Variants in TECPR1 observed in about 807,000 individuals in gnomAD.
The protein encoded by TECPR1 is tectonin beta-propeller repeat containing 1, also known as tectonin beta-propeller repeat-containing protein 1.
TECPR1 carries 122 observed loss-of-function variants against 162.4 expected under a neutral mutation model. The observed-to-expected ratio is 0.75, with a 90% CI of 0.65 to 0.87. The LOEUF is 0.87. Ranked by LOEUF, TECPR1 falls within the 40% of genes least tolerant of loss-of-function variation. TECPR1 has a pLI of 0.00. For synonymous variants in TECPR1, 642 were observed against 670.6 expected (o/e 0.96, Z 0.66); for missense variants, 1,432 against 1,618.2 (o/e 0.88, Z 1.97).
In TECPR1 at chr7:98,221,662, A is replaced by G. The variant is rs1798144660; in HGVS notation, c.3156T>C (p.Asn1052=). The G allele has an allele frequency of 3.7e-6, 6 of 1,613,052 alleles. No individual in the cohort carries two copies. Among genetic ancestry groups the G allele is most frequent in the Admixed American group, 1.7e-5 (1 of 59,972 alleles). Residue 1052 remains asparagine (N), a splice_region_variant and synonymous_variant, in exon 23 of 26, where the codon AAT becomes AAC. Coordinates refer to ENST00000447648, the MANE Select transcript of TECPR1 (RefSeq NM_015395.3). ...GQTSVYALDE[N]GNLWYRQGIT... ...AAATTTAAAAAAAGAGCAACTTGCC[A>G]TTCTCATCCAGGGCATACACCGACG...
At chr7:98,249,321 A>C (rs371246683) in intron 2 of TECPR1, among the ~76,000 whole-genome samples, 41 of 152,180 alleles carry the variant, frequency 2.7e-4, no homozygotes, top group African/African-American at 6.3e-4. Flanking sequence ...GGGGAAAAGA[A>C]TAGGAGGGAG....
chr7:98,223,270 C>T lies in TECPR1; in HGVS notation c.2748-100G>A, dbSNP rs949054318. ...CCAGGAGGAGGAAAGCAGCCAACCC[C>T]GGGGCGGGTAGAAAGAGGGGCCCAG... On this transcript the variant is annotated intron_variant, in intron 20 of 25. Transcript: ENST00000447648. 3.6e-5 allele frequency: 46 copies of T among 1,285,528 alleles called. No individual in the cohort carries two copies. The African/African-American group carries it at 3.8e-4, about 11-fold the overall frequency. The allele number at this position is 1,285,528 out of a possible 1,614,324, so 79.6% of individuals were successfully genotyped here. A position where few individuals can be genotyped will look rare whatever the true frequency, so the allele number is the denominator to read the frequency against.
intron 6 of TECPR1, among the ~76,000 whole-genome samples, chr7:98,242,778 CCCAT>C (rs1798789546): frequency 8.4e-5 from 5 of 59,438 alleles, no homozygotes; most frequent in South Asian, 4.5e-4. Flanking sequence ...CACCCACCCA[CCCAT>C]CCATCCATCC....
At chr7:98,242,888 ACACC>A (rs1798796278) in intron 6 of TECPR1, among the ~76,000 whole-genome samples, 2 of 9,702 alleles carry the variant, frequency 2.1e-4, no homozygotes, top group Non-Finnish European at 6.8e-4. Context: ...ATCTACCCAT[ACACC>A]CACCCACCCA....
Position 98,238,650 on chromosome 7 carries a change from A to G in TECPR1, c.934-40T>C, listed in dbSNP as rs1357085642. ...AATAAACATGCCTTCCTGGAGGGCC[A>G]CTGAAACAGACGGTTCGTTCGTTTA... On this transcript the variant is annotated intron_variant, in intron 8 of 25. Coordinates refer to ENST00000447648, the MANE Select transcript of TECPR1 (RefSeq NM_015395.3). The G allele has an allele frequency of 5.4e-6, 8 of 1,488,496 alleles. No individual in the cohort carries two copies. The Admixed American group carries it at 1.6e-4, about 29-fold the overall frequency. 92.2% of individuals were successfully genotyped at this position (1,488,496 alleles called of 1,614,324 possible). A position where few individuals can be genotyped will look rare whatever the true frequency, so the allele number is the denominator to read the frequency against.
In TECPR1 at chr7:98,233,724, T is replaced by C. The variant is rs1428904591; in HGVS notation, c.1369A>G (p.Thr457Ala). 1.2e-6 allele frequency: 2 copies of C among 1,611,928 alleles called. No individual in the cohort carries two copies. The highest frequency in any genetic ancestry group is 1.7e-5 in the Admixed American group (1 of 59,942). Residue 457 changes from threonine (T) to alanine (A), a missense_variant, in exon 11 of 26, where the codon ACC becomes GCC. Transcript: ENST00000447648. Reference sequence around the variant, plus strand: ...TCGGCTGGGCAGGCATCTTCCACGGTATCTTCTGCGGTCCTGCCAGCCCCC... The same window carrying C: ...TCGGCTGGGCAGGCATCTTCCACGGCATCTTCTGCGGTCCTGCCAGCCCCC... ...GLGAGRTAED[T>A]VEDACPAEGS...
At chr7:98,222,264 G>A in intron 22 of TECPR1, 122 bp downstream of exon 22, 1 of 1,337,788 alleles carries the variant, frequency 7.5e-7, no homozygotes, top group Non-Finnish European at 1.0e-6. Context: ...AGTGGGAGGG[G>A]GACTCCCACT....
rs1274016179 is a variant in TECPR1 at position 98,232,250 on chromosome 7, G to A, written c.1819-291C>T. Among the ~76,000 whole-genome samples, 2 of 152,106 alleles carry A rather than the reference G, an allele frequency of 1.3e-5. No individual in the cohort carries two copies. Among genetic ancestry groups the A allele is most frequent in the Admixed American group, 6.6e-5 (1 of 15,266 alleles). Reference sequence around the variant, plus strand: ...GGGGAGACAGGCTCGGGAGGGTTCCGTGCCTGGCTTTGGTGTCACAGAGTG... The same window carrying A: ...GGGGAGACAGGCTCGGGAGGGTTCCATGCCTGGCTTTGGTGTCACAGAGTG... On this transcript the variant is annotated intron_variant, in intron 12 of 25. Coordinates refer to ENST00000447648, the MANE Select transcript of TECPR1 (RefSeq NM_015395.3). The surrounding 1 kb of genome is among the most constrained non-coding windows in gnomAD (Gnocchi z 4.6).
chr7:98,244,696 G>A lies in TECPR1; in HGVS notation c.409-3C>T, dbSNP rs1327326346. On this transcript the variant is annotated splice_region_variant and splice_polypyrimidine_tract_variant and intron_variant, in intron 4 of 25. Coordinates refer to ENST00000447648, the MANE Select transcript of TECPR1 (RefSeq NM_015395.3). Reference sequence around the variant, plus strand: ...AAGTCGATGGCGTACGTCCACCCCTGAAACACCAAGGAAGGGGCTCTCAGG... The same window carrying A: ...AAGTCGATGGCGTACGTCCACCCCTAAAACACCAAGGAAGGGGCTCTCAGG... The A allele has an allele frequency of 1.2e-6, 2 of 1,606,406 alleles. No homozygotes were observed. Among genetic ancestry groups the A allele is most frequent in the South Asian group, 2.2e-5 (2 of 90,578 alleles).
Position 98,233,564 on chromosome 7 carries a change from G to C in TECPR1, c.1529C>G (p.Thr510Ser). Residue 510 changes from threonine to serine, a missense_variant, in exon 11 of 26, where the codon ACC becomes AGC. By Grantham distance (58) the Thr-to-Ser change is moderately conservative. Coordinates refer to ENST00000447648, the MANE Select transcript of TECPR1 (RefSeq NM_015395.3). ...GAGGAGCCCCAGAGAGGAGAGGCTG[G>C]TGGTCTCGGGGAAGCCAGCGGCCGA... is the stretch of plus-strand genomic sequence containing the variant. The part of the protein sequence containing the change: ...SHSAAGFPET[T>S]SLSSLGLLPL... The C allele has an allele frequency of 6.3e-7, 1 of 1,597,518 alleles. No individual in the cohort carries two copies.
chr7:98,242,799 C>A, intron 6 of TECPR1, among the ~76,000 whole-genome samples: 1 of 140,104 alleles, frequency 7.1e-6, no homozygotes, highest in Non-Finnish European at 1.5e-5. Context: ...ATCCATCCAC[C>A]CATCCATCCA....
At chr7:98,244,770 T>C in intron 4 of TECPR1, 77 bp from the exon 5 acceptor site, 1 of 1,580,332 alleles carries the variant, frequency 6.3e-7, no homozygotes, top group Non-Finnish European at 8.6e-7. Flanking sequence ...GGAGGGAGGG[T>C]GTGGCCTGAA....
intron 23 of TECPR1, among the ~76,000 whole-genome samples, chr7:98,219,776 C>CT (rs760279235): frequency 2.4e-4 from 37 of 151,772 alleles, no homozygotes; most frequent in Non-Finnish European, 4.9e-4. Flanking sequence ...TGGTGCATGG[C>CT]TGTAATCCCA....
intron 16 of TECPR1, chr7:98,228,466 T>C (rs1245391004): frequency 6.9e-6 from 2 of 288,708 alleles, no homozygotes; most frequent in Non-Finnish European, 6.8e-6. Flanking sequence ...CAAAGGCACC[T>C]GGGACCATCA....
chr7:98,230,311 T>C (rs1019930474), intron 15 of TECPR1, among the ~76,000 whole-genome samples: 1 of 151,982 alleles, frequency 6.6e-6, no homozygotes, highest in African/African-American at 2.4e-5. Context: ...TAGCCCCACC[T>C]TGTGGCTCTC....
chr7:98,233,610 C>A lies in TECPR1; in HGVS notation c.1483G>T (p.Ala495Ser). 1 of 1,586,308 alleles carries A rather than the reference C, an allele frequency of 6.3e-7. No homozygotes were observed. The highest frequency in any genetic ancestry group is 8.6e-7 in the Non-Finnish European group (1 of 1,168,324). ...LPWTNIDLKE[A>S]KKVPSHSAAG... ...GCCGAGTGGCTGGGCACTTTCTTGG[C>A]CTCCTTGAGGTCAATATTGGTCCAG... Residue 495 changes from alanine to serine, a missense_variant, in exon 11 of 26, where the codon GCC (alanine) becomes TCC (serine). Ala to Ser is a moderately conservative substitution (Grantham distance 99). Coordinates refer to ENST00000447648, the MANE Select transcript of TECPR1 (RefSeq NM_015395.3).
chr7:98,228,941 A>G lies in TECPR1; in HGVS notation c.2410+98T>C, dbSNP rs1244836396. The G allele has an allele frequency of 2.0e-6, 3 of 1,467,044 alleles. No individual in the cohort carries two copies. In the African/African-American group the frequency reaches 4.2e-5, roughly 20 times the overall value. The allele number at this position is 1,467,044 out of a possible 1,614,324, so 90.9% of individuals were successfully genotyped here. ...AGCCAGCTGTTAGCCGAGTGTGAAC[A>G]CTGGGACAATGGCCCTGGCCTTGGG... On this transcript the variant is annotated intron_variant, in intron 16 of 25. Coordinates refer to ENST00000447648, the MANE Select transcript of TECPR1 (RefSeq NM_015395.3).
At chr7:98,226,752 G>T in intron 17 of TECPR1, 1 of 821,570 alleles carries the variant, frequency 1.2e-6, no homozygotes, top group Non-Finnish European at 1.8e-6. Context: ...TCACCAACAT[G>T]GTGAAATCCT....
chr7:98,225,031 T>C lies in TECPR1; in HGVS notation c.2585A>G (p.Lys862Arg), dbSNP rs376380225. 9.1e-5 allele frequency: 141 copies of C among 1,555,730 alleles called. No individual in the cohort carries two copies. The highest frequency in any genetic ancestry group is 1.2e-4 in the Non-Finnish European group (134 of 1,152,294). ...GLQECTKAGT[K>R]PPSLQWAWVS... ...CCAGGCCCACTGCAGGGACGGGGGCTTCGTGCCAGCCTTCGTGCACTCCTG... is the reference window on the plus strand; with the variant it reads ...CCAGGCCCACTGCAGGGACGGGGGCCTCGTGCCAGCCTTCGTGCACTCCTG... The change falls in exon 18 of 26, where the codon AAG (lysine) becomes AGG (arginine). Residue 862 changes from lysine to arginine, a missense_variant. Coordinates refer to ENST00000447648, the MANE Select transcript of TECPR1 (RefSeq NM_015395.3).
Sources: allele counts gnomAD v4.1 joint callset (sites outside exome capture counted in the v4.1 genomes callset), GRCh38; gene constraint gnomAD v4.1.1; non-coding constraint Gnocchi (gnomAD v3.1); transcripts MANE v1.5; gene names NCBI Gene and HGNC (gene_info 2026-07-23, HGNC 2026-07-21).